THSD4: variants seen among roughly 807,000 people sequenced by gnomAD.
The protein encoded by THSD4 is thrombospondin type 1 domain containing 4, also known as thrombospondin type-1 domain-containing protein 4.
A neutral mutation model predicts 119.0 loss-of-function variants in THSD4; 69 were observed. The ratio of observed to expected loss-of-function variants is 0.58; its 90% CI spans 0.48 to 0.71. The LOEUF is 0.71. THSD4 is among the 30% of genes least tolerant of loss of function. The pLI is 0.00. For missense variants in THSD4, 1,393 were observed against 1,391.1 expected (o/e 1.00, Z -0.02); for synonymous variants, 524 against 540.4 (o/e 0.97, Z 0.42).
chr15:71,223,251 C>T (rs1054342723), intron 4 of THSD4, among the ~76,000 whole-genome samples: 2 of 152,198 alleles, frequency 1.3e-5, no homozygotes, highest in Non-Finnish European at 2.9e-5. Context: ...AGAGCACAAG[C>T]CTGTGCGACA....
chr15:71,765,186 C>A lies in THSD4; in HGVS notation c.2756C>A (p.Thr919Asn), dbSNP rs754414627. ...LKPCGAKWFS[T>N]EWSMCSKSCQ... ...CCTTGCGGAGCCAAATGGTTTAGCA[C>A]CGAATGGAGCATGGTAAGTCATGGT... The change falls in exon 16 of 18, where the codon ACC (threonine) becomes AAC (asparagine). Residue 919 changes from threonine to asparagine, a missense_variant. Thr to Asn is a moderately conservative substitution (Grantham distance 65). Coordinates refer to ENST00000261862, the MANE Select transcript of THSD4 (RefSeq NM_024817.3). 1 of 1,613,930 alleles carries A rather than the reference C, an allele frequency of 6.2e-7. No individual in the cohort carries two copies. Among genetic ancestry groups the A allele is most frequent in the African/African-American group, 1.3e-5 (1 of 74,928 alleles).
At chr15:71,669,292 G>T (rs549978008) in intron 8 of THSD4, among the ~76,000 whole-genome samples, 2 of 151,890 alleles carry the variant, frequency 1.3e-5, no homozygotes, top group Non-Finnish European at 2.9e-5. Context: ...TTTTCTTATT[G>T]ATTTTAAGAA....
chr15:71,686,926 C>G (rs2051923654), intron 8 of THSD4, among the ~76,000 whole-genome samples: 1 of 152,200 alleles, frequency 6.6e-6, no homozygotes, highest in Admixed American at 6.5e-5. Flanking sequence ...AAATGAATTC[C>G]TGGCAGGGGT....
At chr15:71,313,945 C>G (rs564358397) in intron 6 of THSD4, among the ~76,000 whole-genome samples, 1 of 152,280 alleles carries the variant, frequency 6.6e-6, no homozygotes, top group South Asian at 2.1e-4. Flanking sequence ...GCCATCTTTT[C>G]AGTTAATTAG....
intron 8 of THSD4, among the ~76,000 whole-genome samples, chr15:71,662,393 C>T (rs2051328211): frequency 1.3e-5 from 2 of 152,132 alleles, no homozygotes; most frequent in South Asian, 2.1e-4. Context: ...CCAGTGAGTG[C>T]TTTGTATATT....
intron 8 of THSD4, among the ~76,000 whole-genome samples, chr15:71,669,140 C>A (rs2051472693): frequency 6.6e-6 from 1 of 152,174 alleles, no homozygotes. Context: ...TGAAATAATT[C>A]TTTCTTCACA....
At chr15:71,745,014 T>C in intron 11 of THSD4, 92 bp from the exon 12 acceptor site, 1 of 1,503,452 alleles carries the variant, frequency 6.7e-7, no homozygotes, top group Non-Finnish European at 8.9e-7. Context: ...GTGCCCTCTC[T>C]TCATCAGCAC....
chr15:71,524,254 A>G (rs1417188243), intron 7 of THSD4, among the ~76,000 whole-genome samples: 1 of 152,232 alleles, frequency 6.6e-6, no homozygotes, highest in African/African-American at 2.4e-5. Context: ...AGGGACTGAC[A>G]CCAGTAACTG....
intron 1 of THSD4, among the ~76,000 whole-genome samples, chr15:71,130,383 C>T (rs377611879): frequency 6.6e-6 from 1 of 152,086 alleles, no homozygotes; most frequent in South Asian, 2.1e-4. Context: ...GATGGAGTTT[C>T]GCCATGTTGT....
At chr15:71,335,652 C>T (rs2045480883) in intron 6 of THSD4, among the ~76,000 whole-genome samples, 1 of 151,970 alleles carries the variant, frequency 6.6e-6, no homozygotes, top group South Asian at 2.1e-4. Context: ...ACTTCAAGGC[C>T]CAATTTCCTC....
In THSD4 at chr15:71,624,355, A is replaced by C. The variant is rs911820405; in HGVS notation, c.1153-36175A>C. Reference sequence around the variant, plus strand: ...CATACCACAGCATCCACAACAACAAAATAGATGAACATGTTATATATTTGA... The same window carrying C: ...CATACCACAGCATCCACAACAACAACATAGATGAACATGTTATATATTTGA... On this transcript the variant is annotated intron_variant, in intron 7 of 17. Transcript: ENST00000261862. 2.0e-5 allele frequency among the ~76,000 whole-genome samples: 3 copies of C among 152,340 alleles called. No individual in the cohort carries two copies. In the South Asian group the frequency reaches 6.2e-4, roughly 32 times the overall value.
At chr15:71,155,687 T>G (rs1445170881) in intron 3 of THSD4, among the ~76,000 whole-genome samples, 1 of 152,098 alleles carries the variant, frequency 6.6e-6, no homozygotes, top group Non-Finnish European at 1.5e-5. Flanking sequence ...ACCTTCAAGG[T>G]CAAGGGCAGG....
At chr15:71,765,306 C>T (rs1451333589) in intron 16 of THSD4, 107 bp downstream of exon 16, 149 of 1,331,164 alleles carry the variant, frequency 1.1e-4, no homozygotes, top group Non-Finnish European at 1.3e-4. Context: ...GAAAGAGATT[C>T]CCTACAGCAA....
chr15:71,288,165 T>A (rs1327354065), intron 6 of THSD4, among the ~76,000 whole-genome samples: 1 of 152,160 alleles, frequency 6.6e-6, no homozygotes, highest in Non-Finnish European at 1.5e-5. Flanking sequence ...TAAATTTGAT[T>A]CGGCCTTTAG....
intron 1 of THSD4, among the ~76,000 whole-genome samples, chr15:71,105,473 A>G (rs926717298): frequency 2.0e-5 from 3 of 152,094 alleles, no homozygotes; most frequent in Admixed American, 6.5e-5. Context: ...GAAAGTTTCA[A>G]CCTTCTAATC....
At chr15:71,148,157 G>A (rs1021565017) in intron 2 of THSD4, among the ~76,000 whole-genome samples, 3 of 152,104 alleles carry the variant, frequency 2.0e-5, no homozygotes, top group African/African-American at 2.4e-5. Context: ...TTCACTCTGC[G>A]CGAGCCAGGC....
At chr15:71,388,466 G>T (rs2046321712) in intron 6 of THSD4, among the ~76,000 whole-genome samples, 1 of 152,146 alleles carries the variant, frequency 6.6e-6, no homozygotes, top group African/African-American at 2.4e-5. Context: ...ACCAGAATGT[G>T]TTCCTTACTG....
intron 5 of THSD4, among the ~76,000 whole-genome samples, chr15:71,247,762 T>C (rs984117841): frequency 6.6e-6 from 1 of 152,208 alleles, no homozygotes; most frequent in Non-Finnish European, 1.5e-5. Flanking sequence ...AAGTCATGAT[T>C]AATCCGCAGC....
chr15:71,346,591 C>G (rs2140398491), intron 6 of THSD4, among the ~76,000 whole-genome samples: 1 of 152,234 alleles, frequency 6.6e-6, no homozygotes, highest in Admixed American at 6.5e-5. Flanking sequence ...TTTTACCAGT[C>G]CTAGCCCTGG....
Sources: gnomAD v4.1 joint callset for allele counts (sites outside exome capture counted in the v4.1 genomes callset) on GRCh38, gnomAD v4.1.1 for gene constraint, MANE v1.5 for transcripts, NCBI Gene and HGNC (gene_info 2026-07-23, HGNC 2026-07-21) for gene names.